FBXO42: variants seen among roughly 807,000 people sequenced by gnomAD.
The protein encoded by FBXO42 is F-box only protein 42.
In FBXO42, 12 loss-of-function variants were observed where a neutral mutation model predicts 71.7. That is an observed-to-expected ratio of 0.17 (90% confidence interval 0.11 to 0.27). The LOEUF (loss-of-function observed/expected upper bound fraction) is 0.27, where lower values mean the gene tolerates loss of function less well. Ranked by LOEUF, FBXO42 falls within the 10% of genes least tolerant of loss-of-function variation. The probability of loss-of-function intolerance (pLI) is 1.00; values close to 1 mark genes in which losing one functional copy is unlikely to be tolerated. For missense variants in FBXO42, 707 were observed against 911.9 expected (o/e 0.78, Z 2.89); for synonymous variants, 325 against 327.5 (o/e 0.99, Z 0.08).
At chr1:16,301,838 G>A (rs6658063) in intron 3 of FBXO42, among the ~76,000 whole-genome samples, 3 of 151,928 alleles carry the variant, frequency 2.0e-5, no homozygotes, top group Non-Finnish European at 2.9e-5. Flanking sequence ...TAGAGATGTT[G>A]CCCAAATTGG....
At chr1:16,284,252 TTC>T (rs1037800376) in intron 4 of FBXO42, among the ~76,000 whole-genome samples, 1 of 152,212 alleles carries the variant, frequency 6.6e-6, no homozygotes, top group African/African-American at 2.4e-5. Flanking sequence ...TTCCAATGGT[TTC>T]TGTTCTACCC....
At chr1:16,290,033 C>G (rs1343503052) in intron 4 of FBXO42, among the ~76,000 whole-genome samples, 1 of 152,148 alleles carries the variant, frequency 6.6e-6, no homozygotes, top group African/African-American at 2.4e-5. Flanking sequence ...TCCATGAGGG[C>G]AGGGGCCACA....
intron 1 of FBXO42, among the ~76,000 whole-genome samples, chr1:16,341,870 C>CT (rs2100634346): frequency 6.6e-6 from 1 of 150,932 alleles, no homozygotes; most frequent in Admixed American, 6.6e-5. Context: ...ACTCAGGAGG[C>CT]TGAGGAAGGA....
intron 1 of FBXO42, among the ~76,000 whole-genome samples, chr1:16,339,618 T>C (rs992502399): frequency 6.6e-6 from 1 of 152,180 alleles, no homozygotes; most frequent in African/African-American, 2.4e-5. Flanking sequence ...GCCATAGTTA[T>C]GTTCTTATGT....
chr1:16,255,235 A>C (rs2081628198), intron 6 of FBXO42, among the ~76,000 whole-genome samples: 1 of 152,172 alleles, frequency 6.6e-6, no homozygotes, highest in African/African-American at 2.4e-5. Context: ...CAAATTTTTC[A>C]ATTTATTGGT....
intron 1 of FBXO42, among the ~76,000 whole-genome samples, chr1:16,341,375 G>A (rs1439627351): frequency 6.6e-6 from 1 of 152,152 alleles, no homozygotes; most frequent in Non-Finnish European, 1.5e-5. Flanking sequence ...GCCGAGGCGG[G>A]CAGATCATGA....
intron 2 of FBXO42, among the ~76,000 whole-genome samples, chr1:16,311,820 AC>A (rs1170568455): frequency 2.0e-5 from 3 of 152,040 alleles, no homozygotes; most frequent in African/African-American, 7.2e-5. Flanking sequence ...TACAAAACTA[AC>A]GATGCTCTTA....
chr1:16,253,870 A>G, intron 6 of FBXO42, 139 bp from the exon 7 acceptor site: 2 of 685,978 alleles, frequency 2.9e-6, no homozygotes, highest in Non-Finnish European at 4.9e-6. Flanking sequence ...GGGCTGGAGC[A>G]GGTTTTAGAG....
intron 2 of FBXO42, 134 bp from the exon 3 acceptor site, chr1:16,306,053 C>G (rs1036121710): frequency 3.1e-6 from 2 of 640,898 alleles, no homozygotes; most frequent in Admixed American, 2.8e-5. Context: ...GATGGAGTCT[C>G]ACTCTGTCGC....
At chr1:16,316,433 T>G (rs2082366907) in intron 1 of FBXO42, among the ~76,000 whole-genome samples, 1 of 151,878 alleles carries the variant, frequency 6.6e-6, no homozygotes, top group South Asian at 2.1e-4. Context: ...TTATTTCCAC[T>G]TACAAAATAT....
At chr1:16,338,276 G>A (rs930315858) in intron 1 of FBXO42, among the ~76,000 whole-genome samples, 19 of 149,552 alleles carry the variant, frequency 1.3e-4, no homozygotes, top group African/African-American at 4.7e-4. Context: ...AAAAGAGGGA[G>A]GATCGCTTGA....
intron 3 of FBXO42, among the ~76,000 whole-genome samples, chr1:16,299,437 C>A (rs1440202312): frequency 2.0e-5 from 3 of 152,040 alleles, no homozygotes; most frequent in African/African-American, 7.2e-5. Context: ...CTTGAGCAAA[C>A]AAAGGTTTCT....
chr1:16,312,966 T>A (rs989677267), intron 2 of FBXO42, among the ~76,000 whole-genome samples: 2 of 152,002 alleles, frequency 1.3e-5, no homozygotes. Flanking sequence ...CACTAATTTT[T>A]GTATTTTTAG....
At chr1:16,335,111 C>T (rs2082540602) in intron 1 of FBXO42, among the ~76,000 whole-genome samples, 1 of 143,440 alleles carries the variant, frequency 7.0e-6, no homozygotes, top group African/African-American at 2.5e-5. Context: ...CTTGGTGGCT[C>T]TGTCTCAAAA....
In FBXO42 at chr1:16,251,161, C is replaced by T; in HGVS notation, c.1663G>A (p.Ala555Thr). ...SALAGAVSPG[A>T]LRRSLEAIKA... ...ATGGCTTCCAGACTCCGACGCAGGG[C>T]ACCTGGGGAGACGGCCCCTGCAAGG... The change falls in exon 10 of 10, where the codon GCC (alanine) becomes ACC (threonine). Residue 555 changes from alanine (A) to threonine (T), a missense_variant. Physicochemically the swap from Ala to Thr is moderately conservative, Grantham distance 58. Coordinates refer to ENST00000375592, the MANE Select transcript of FBXO42 (RefSeq NM_018994.3). This position sits in a 1 kb window ranked among gnomAD's most constrained non-coding sequence, Gnocchi z 4.5. 6.2e-7 allele frequency: 1 copy of T among 1,614,158 alleles called. No homozygotes were observed. The highest frequency in any genetic ancestry group is 8.5e-7 in the Non-Finnish European group (1 of 1,180,042).
intron 4 of FBXO42, among the ~76,000 whole-genome samples, 180 bp from the exon 5 acceptor site, chr1:16,256,939 A>G (rs1283292821): frequency 3.3e-5 from 5 of 152,200 alleles, no homozygotes; most frequent in Non-Finnish European, 5.9e-5. Context: ...TCACTAATTC[A>G]CACGTCTTTT....
intron 1 of FBXO42, among the ~76,000 whole-genome samples, chr1:16,332,923 A>C (rs941441893): frequency 6.6e-6 from 1 of 152,184 alleles, no homozygotes. Context: ...AACAATGAGA[A>C]GAGTAGTGGC....
intron 3 of FBXO42, among the ~76,000 whole-genome samples, chr1:16,299,003 C>T (rs2082161142): frequency 6.6e-6 from 1 of 151,620 alleles, no homozygotes; most frequent in Non-Finnish European, 1.5e-5. Flanking sequence ...AGGTAACAAA[C>T]ATTTTTCCTT....
intron 4 of FBXO42, among the ~76,000 whole-genome samples, chr1:16,285,117 G>T (rs2082008400): frequency 6.6e-6 from 1 of 151,640 alleles, no homozygotes. Context: ...CTGTACTCCA[G>T]CCCCGCGACA....
Sources: gnomAD v4.1 joint callset for allele counts (sites outside exome capture counted in the v4.1 genomes callset) on GRCh38, gnomAD v4.1.1 for gene constraint, Gnocchi (gnomAD v3.1) non-coding constraint, MANE v1.5 for transcripts, NCBI Gene and HGNC (gene_info 2026-07-23, HGNC 2026-07-21) for gene names.